The following MRTFB variants were observed in gnomAD, a reference collection of about 807,000 sequenced individuals.
MRTFB encodes myocardin-related transcription factor B.
Under a neutral mutation model 104.2 loss-of-function variants are expected in MRTFB, and 29 were observed. The ratio of observed to expected loss-of-function variants is 0.28; its 90% CI spans 0.21 to 0.38. The LOEUF (loss-of-function observed/expected upper bound fraction) is 0.38, where lower values mean the gene tolerates loss of function less well. MRTFB is among the 10% of genes least tolerant of loss of function. MRTFB has a pLI of 1.00. For missense variants in MRTFB, 1,270 were observed against 1,341.6 expected, an observed-to-expected ratio of 0.95 and a Z score of 0.83; for synonymous variants, 535 against 519.5, an observed-to-expected ratio of 1.03 and a Z score of -0.41.
rs1377892976 is a variant in MRTFB at position 14,247,204 on chromosome 16, C to T, written c.1944C>T (p.Ser648=). ...IKDEASLPDC[S]SSRQPIPVAS... ...ATGAGGCCTCACTCCCTGACTGCTC[C>T]AGCTCCAGGCAGCCCATCCCAGTAG... The change falls in exon 12 of 17, where the codon TCC becomes TCT. Residue 648 remains serine, a synonymous_variant. Coordinates refer to ENST00000571589, the MANE Select transcript of MRTFB (RefSeq NM_001308142.2). 17 of 1,614,054 alleles carry T rather than the reference C, an allele frequency of 1.1e-5. No homozygotes were observed. Among genetic ancestry groups the T allele is most frequent in the African/African-American group, 2.7e-5 (2 of 74,932 alleles).
chr16:14,108,734 T>A (rs1158179031), intron 2 of MRTFB, among the ~76,000 whole-genome samples: 1 of 152,236 alleles, frequency 6.6e-6, no homozygotes, highest in East Asian at 1.9e-4. Flanking sequence ...TAGAGTTACA[T>A]TCTGAAAAGC....
chr16:14,090,247 C>T (rs1250613997), intron 2 of MRTFB, among the ~76,000 whole-genome samples: 1 of 152,122 alleles, frequency 6.6e-6, no homozygotes, highest in African/African-American at 2.4e-5. Flanking sequence ...AAAATTTGTA[C>T]AAAATTAGTT....
chr16:14,087,809 G>C (rs1055682750), intron 2 of MRTFB, among the ~76,000 whole-genome samples: 3 of 152,058 alleles, frequency 2.0e-5, no homozygotes, highest in African/African-American at 7.2e-5. Flanking sequence ...TTTACCTTAA[G>C]AACTGATTAC....
At chr16:14,093,372 A>G (rs1798024899) in intron 2 of MRTFB, among the ~76,000 whole-genome samples, 1 of 152,044 alleles carries the variant, frequency 6.6e-6, no homozygotes. Flanking sequence ...GTGTTTTTGC[A>G]TATTGCCTAG....
the MRTFB span, among the ~76,000 whole-genome samples, chr16:14,014,736 T>C: frequency 6.6e-6 from 1 of 151,736 alleles, no homozygotes; most frequent in Non-Finnish European, 1.5e-5. Flanking sequence ...GGCATGGTGG[T>C]GGGTGCCTGT....
At chr16:14,061,165 AC>A in the MRTFB span, among the ~76,000 whole-genome samples, 4 of 152,206 alleles carry the variant, frequency 2.6e-5, no homozygotes, top group African/African-American at 4.8e-5. Context: ...ACAAAAAAAA[AC>A]ACCAAAGTTT....
At position 14,261,213 on chromosome 16, in the gene MRTFB, A is replaced by G; in HGVS notation, c.3069A>G (p.Ser1023=). Residue 1023 remains serine (S), a synonymous_variant, in exon 17 of 17, where the codon TCA becomes TCG. Coordinates refer to ENST00000571589, the MANE Select transcript of MRTFB (RefSeq NM_001308142.2). ...EDLQNDLLSH[S]GMLDHSHSPM... is the part of the protein sequence containing the mutation. Reference sequence around the variant, plus strand: ...TCCAGAATGATCTGCTGAGTCACTCAGGTATGCTGGACCATTCACACTCAC... The same window carrying G: ...TCCAGAATGATCTGCTGAGTCACTCGGGTATGCTGGACCATTCACACTCAC... 1.2e-6 allele frequency: 2 copies of G among 1,614,174 alleles called. No homozygotes were observed. The highest frequency in any genetic ancestry group is 8.5e-7 in the Non-Finnish European group (1 of 1,180,028).
rs756318432 is a variant in MRTFB, at chr16:14,140,589, G to A, written c.-18G>A. 1 of 1,613,920 alleles carries A rather than the reference G, an allele frequency of 6.2e-7. No individual in the cohort carries two copies. The highest frequency in any genetic ancestry group is 8.5e-7 in the Non-Finnish European group (1 of 1,179,904). ...TAAGAGGCGTCTTACACTCCCTGTT[G>A]CCAGTGGCTGGAACACAATGGATCA... On this transcript the variant is annotated 5_prime_UTR_variant, in exon 3 of 17. Transcript: ENST00000571589.
chr16:14,088,374 G>A (rs1596761161), intron 2 of MRTFB, among the ~76,000 whole-genome samples: 1 of 152,196 alleles, frequency 6.6e-6, no homozygotes, highest in East Asian at 1.9e-4. Context: ...TGGGCATGCA[G>A]CTAGTAGGTT....
In MRTFB at chr16:14,103,700, A is replaced by G. The variant is rs543783630; in HGVS notation, c.-64+24346A>G. ...TTCGTCAAAGTCAGTCCAGCCAAGG[A>G]TTGGCATAAATTAGCCCAGTTTGCT... On this transcript the variant is annotated intron_variant, in intron 2 of 16. Transcript: ENST00000571589. Among the ~76,000 whole-genome samples the G allele has an allele frequency of 3.3e-3, 505 of 152,298 alleles. 3 individuals carry two copies. Among genetic ancestry groups the G allele is most frequent in the African/African-American group, 0.012 (480 of 41,542 alleles).
rs2043032530 is a variant in MRTFB, at chr16:14,246,741, C to T, written c.1481C>T (p.Thr494Ile). Residue 494 changes from threonine to isoleucine, a missense_variant, in exon 12 of 17, where the codon ACC becomes ATC. Physicochemically the swap from Thr to Ile is moderately conservative, Grantham distance 89 (BLOSUM62 -1). Transcript: ENST00000571589. ...ELPPTGTSNA[T>I]RVENVHSPLP... is the part of the protein sequence containing the mutation. The stretch of plus-strand genomic sequence containing the variant: ...CCACCTACAGGAACCAGCAACGCAA[C>T]CCGTGTGGAAAATGTTCATTCCCCT... The T allele has an allele frequency of 6.2e-7, 1 of 1,614,094 alleles. No homozygotes were observed. The highest frequency in any genetic ancestry group is 1.3e-5 in the African/African-American group (1 of 74,916).
chr16:14,222,073 C>A (rs531757788), intron 8 of MRTFB, among the ~76,000 whole-genome samples: 1 of 152,140 alleles, frequency 6.6e-6, no homozygotes, highest in African/African-American at 2.4e-5. Context: ...AGCCGCCGCA[C>A]CTGGCCCATT....
chr16:14,207,100 C>G (rs141289286), intron 3 of MRTFB, among the ~76,000 whole-genome samples: 241 of 152,314 alleles, frequency 1.6e-3, no homozygotes, highest in Middle Eastern at 6.8e-3. Flanking sequence ...AGTACCCAGA[C>G]ACCTAACAGA....
intron 2 of MRTFB, among the ~76,000 whole-genome samples, chr16:14,138,231 T>A (rs1404533487): frequency 6.6e-6 from 1 of 152,122 alleles, no homozygotes; most frequent in East Asian, 1.9e-4. Context: ...CAATTTTACT[T>A]TGAATGATGA....
At chr16:14,218,684 G>A (rs972438968) in intron 7 of MRTFB, 136 bp from the exon 8 acceptor site, 13 of 765,556 alleles carry the variant, frequency 1.7e-5, no homozygotes, top group Non-Finnish European at 2.7e-5. Flanking sequence ...TTCTTGCACT[G>A]GGAGGTACAT....
At chr16:14,144,299 GC>G (rs1358475518) in intron 3 of MRTFB, 2 of 152,126 alleles carry the variant, frequency 1.3e-5, no homozygotes, top group Non-Finnish European at 2.9e-5. Context: ...TATTATAGAA[GC>G]CTTATTTTAT....
intron 16 of MRTFB, 63 bp from the exon 17 acceptor site, chr16:14,260,846 T>A (rs1367696131): frequency 7.3e-7 from 1 of 1,369,350 alleles, no homozygotes; most frequent in Admixed American, 2.2e-5. Flanking sequence ...TCCTAGTAAT[T>A]AATAAAAATT....
At chr16:14,099,255 G>C (rs1332562394) in intron 2 of MRTFB, among the ~76,000 whole-genome samples, 1 of 151,980 alleles carries the variant, frequency 6.6e-6, no homozygotes, top group Non-Finnish European at 1.5e-5. Flanking sequence ...TCTCTAGGCA[G>C]TGTTTTTAAA....
intron 8 of MRTFB, among the ~76,000 whole-genome samples, chr16:14,219,333 G>A (rs1055233687): frequency 5.3e-5 from 8 of 152,154 alleles, no homozygotes; most frequent in African/African-American, 1.9e-4. Context: ...GCATACAAAG[G>A]AATGTAAGAA....
Sources: allele counts gnomAD v4.1 joint callset (sites outside exome capture counted in the v4.1 genomes callset), GRCh38; gene constraint gnomAD v4.1.1; transcripts MANE v1.5; gene names NCBI Gene and HGNC (gene_info 2026-07-23, HGNC 2026-07-21).